Variants in TMEM17 observed in about 807,000 individuals in gnomAD.
The protein encoded by TMEM17 is transmembrane protein 17.
Under a neutral mutation model 19.1 loss-of-function variants are expected in TMEM17, and 15 were observed. The ratio of observed to expected loss-of-function variants is 0.78; its 90% confidence interval spans 0.52 to 1.21. The LOEUF is 1.21. Among genes scored for constraint, TMEM17 ranks in the 50% most tolerant of loss-of-function variants. The pLI is 0.00. For missense variants in TMEM17, 245 were observed against 242.3 expected (o/e 1.01, Z -0.07); for synonymous variants, 103 against 86.9 (o/e 1.19, Z -1.03).
At chr2:62,501,644 A>G (rs530877613) in intron 3 of TMEM17, 157 bp from the exon 4 acceptor site, 27 of 685,198 alleles carry the variant, frequency 3.9e-5, no homozygotes, top group Non-Finnish European at 5.5e-5. Flanking sequence ...GAGAACTTAC[A>G]GTCTAGATGA....
the TMEM17 span, among the ~76,000 whole-genome samples, chr2:62,466,879 G>C: frequency 6.6e-6 from 1 of 152,132 alleles, no homozygotes; most frequent in Non-Finnish European, 1.5e-5. Context: ...AGAGTGTTTC[G>C]TCCAACATTC....
At chr2:62,460,849 G>C in the TMEM17 span, among the ~76,000 whole-genome samples, 1 of 152,336 alleles carries the variant, frequency 6.6e-6, no homozygotes, top group East Asian at 1.9e-4. Flanking sequence ...AACACCTGCT[G>C]TGTGCCAGGC....
At chr2:62,454,194 A>G in the TMEM17 span, among the ~76,000 whole-genome samples, 3 of 152,196 alleles carry the variant, frequency 2.0e-5, no homozygotes, top group Non-Finnish European at 4.4e-5. Context: ...CCTAGTCGGC[A>G]GAGTGGAGCT....
chr2:62,472,612 C>A, the TMEM17 span, among the ~76,000 whole-genome samples: 4 of 152,272 alleles, frequency 2.6e-5, no homozygotes, highest in African/African-American at 9.6e-5. Flanking sequence ...AGATGTATTT[C>A]CCAACCTTCC....
At chr2:62,468,680 C>G in the TMEM17 span, among the ~76,000 whole-genome samples, 1 of 152,158 alleles carries the variant, frequency 6.6e-6, no homozygotes, top group South Asian at 2.1e-4. Context: ...ACTGCAAGAC[C>G]CTTATGGTTC....
the TMEM17 span, among the ~76,000 whole-genome samples, chr2:62,485,526 C>T: frequency 3.9e-5 from 6 of 152,294 alleles, no homozygotes; most frequent in African/African-American, 7.2e-5. Context: ...TTTTCCACCA[C>T]GACTTTGCCC....
At chr2:62,481,988 C>T in the TMEM17 span, among the ~76,000 whole-genome samples, 1 of 152,138 alleles carries the variant, frequency 6.6e-6, no homozygotes, top group African/African-American at 2.4e-5. Context: ...CATCCTCTGT[C>T]ATGGAACTAA....
chr2:62,455,074 A>G, the TMEM17 span, among the ~76,000 whole-genome samples: 1 of 152,168 alleles, frequency 6.6e-6, no homozygotes, highest in Non-Finnish European at 1.5e-5. Context: ...CACCATCACA[A>G]TCCAACCTTA....
At chr2:62,505,811 G>A (rs1053093779) in intron 1 of TMEM17, among the ~76,000 whole-genome samples, 6 of 152,154 alleles carry the variant, frequency 3.9e-5, no homozygotes, top group African/African-American at 1.4e-4. Flanking sequence ...GCTGGCCAGG[G>A]AGCACCACGC....
At chr2:62,478,365 T>C in the TMEM17 span, among the ~76,000 whole-genome samples, 4 of 152,204 alleles carry the variant, frequency 2.6e-5, no homozygotes, top group Non-Finnish European at 5.9e-5. Context: ...TACTGCTTTG[T>C]TGCTTCCTGT....
chr2:62,489,483 G>A, the TMEM17 span, among the ~76,000 whole-genome samples: 1 of 152,222 alleles, frequency 6.6e-6, no homozygotes, highest in Non-Finnish European at 1.5e-5. Context: ...CCTGCGATTG[G>A]AGTAGGCATT....
the TMEM17 span, among the ~76,000 whole-genome samples, chr2:62,467,634 A>G: frequency 1.3e-5 from 2 of 152,128 alleles, no homozygotes; most frequent in Non-Finnish European, 2.9e-5. Flanking sequence ...ACCCTGTTTG[A>G]ATCCTCCCAA....
chr2:62,498,169 C>A (rs1238856307), downstream of TMEM17, among the ~76,000 whole-genome samples: 1 of 141,976 alleles, frequency 7.0e-6, no homozygotes, highest in South Asian at 2.3e-4. Context: ...TGGATCACTT[C>A]AGGTCAGGAA....
chr2:62,468,972 G>A, the TMEM17 span, among the ~76,000 whole-genome samples: 1 of 152,218 alleles, frequency 6.6e-6, no homozygotes. Context: ...TAGGGTCTAT[G>A]TCATGTCAGG....
Position 62,506,079 on chromosome 2 carries a change from G to C in TMEM17, c.51C>G (p.Ala17=), listed in dbSNP as rs200771204. The part of the protein sequence containing the change: ...VRQRLGNFSR[A]VFSDSNRTGP... ...CGGTCCGATTGGAATCACTGAACACGGCCCGGCTGAAGTTTCCCAGCCGCT... is the reference window on the plus strand; with the variant it reads ...CGGTCCGATTGGAATCACTGAACACCGCCCGGCTGAAGTTTCCCAGCCGCT... The change falls in exon 1 of 4, where the codon GCC becomes GCG. Residue 17 remains alanine (A), a synonymous_variant. Coordinates refer to ENST00000335390, the MANE Select transcript of TMEM17 (RefSeq NM_198276.3). The C allele has an allele frequency of 1.8e-5, 29 of 1,610,446 alleles. No individual in the cohort carries two copies. The highest frequency in any genetic ancestry group is 2.4e-5 in the Non-Finnish European group (28 of 1,178,794).
chr2:62,464,660 C>T, the TMEM17 span, among the ~76,000 whole-genome samples: 2 of 152,216 alleles, frequency 1.3e-5, no homozygotes, highest in African/African-American at 4.8e-5. Flanking sequence ...GTGTAATTCA[C>T]GTACAGCCGG....
At chr2:62,467,625 C>T in the TMEM17 span, among the ~76,000 whole-genome samples, 1 of 152,186 alleles carries the variant, frequency 6.6e-6, no homozygotes, top group African/African-American at 2.4e-5. Context: ...GCAGTAATGA[C>T]CCTGTTTGAA....
At chr2:62,499,270 TA>T (rs1347499183), downstream of TMEM17, among the ~76,000 whole-genome samples, 5 of 152,214 alleles carry the variant, frequency 3.3e-5, no homozygotes, top group Non-Finnish European at 4.4e-5. Context: ...GAAGTTCTGC[TA>T]TTTAAAATAA....
chr2:62,482,230 C>G, the TMEM17 span, among the ~76,000 whole-genome samples: 1 of 152,224 alleles, frequency 6.6e-6, no homozygotes. Flanking sequence ...AAATGTAGTT[C>G]AGCCTAGCCA....
Sources: gnomAD v4.1 joint callset for allele counts (sites outside exome capture counted in the v4.1 genomes callset) on GRCh38, gnomAD v4.1.1 for gene constraint, MANE v1.5 for transcripts, NCBI Gene and HGNC (gene_info 2026-07-23, HGNC 2026-07-21) for gene names.